SEC16A: variants seen among roughly 807,000 people sequenced by gnomAD.
SEC16A encodes the protein SEC16 homolog A, endoplasmic reticulum export factor.
SEC16A carries 110 observed loss-of-function variants against 221.9 expected under a neutral mutation model. The observed-to-expected ratio is 0.50, with a 90% confidence interval of 0.42 to 0.58. The LOEUF (loss-of-function observed/expected upper bound fraction) is 0.58. Ranked by LOEUF, SEC16A falls within the 20% of genes least tolerant of loss-of-function variation. SEC16A has a pLI of 0.00. For missense variants in SEC16A, 3,165 were observed against 3,097.8 expected, an observed-to-expected ratio of 1.02 and a Z score of -0.52; for synonymous variants, 1,393 against 1,257.7, an observed-to-expected ratio of 1.11 and a Z score of -2.28.
At chr9:136,473,963 C>T in intron 3 of SEC16A, 86 bp downstream of exon 3, 1 of 1,412,162 alleles carries the variant, frequency 7.1e-7, no homozygotes, top group Non-Finnish European at 9.6e-7. Flanking sequence ...AGCGAACAAA[C>T]ACTACTAAGG....
rs776749643 is a variant in SEC16A, at chr9:136,477,516, G to A, written c.100C>T (p.Arg34Trp). 7 of 1,613,680 alleles carry A rather than the reference G, an allele frequency of 4.3e-6. No homozygotes were observed. The highest frequency in any genetic ancestry group is 2.7e-5 in the African/African-American group (2 of 74,906). ...GCCACTGCTGCATTATTATTAGCCC[G>A]TCTCCTGTAAGGGCTGCTAGCCCAG... ...VFWASSPYRR[R>W]ANNNAAVAPT... The change falls in exon 3 of 32, where the codon CGG (arginine) becomes TGG (tryptophan). Residue 34 changes from arginine (R) to tryptophan (W), a missense_variant. By Grantham distance (101) the Arg-to-Trp change is moderately radical. Around this residue, in one of 3 missense-constraint regions of SEC16A, gnomAD observed 2,030 missense variants for 1,923.1 expected, o/e 1.06. Coordinates refer to ENST00000684901, the MANE Select transcript of SEC16A (RefSeq NM_014866.2).
rs756544201 is a variant in SEC16A, at chr9:136,471,935, G to C, written c.3704+40C>G. ...TAGCAAGCAACACAGACATGGGTCT[G>C]AGTAGGACAGAGAGGCAGCCAGGGT... On this transcript the variant is annotated intron_variant, in intron 4 of 31. Transcript: ENST00000684901. 4.4e-6 allele frequency: 7 copies of C among 1,606,924 alleles called. No individual in the cohort carries two copies. In the South Asian group the frequency reaches 7.7e-5, roughly 18 times the overall value.
At chr9:136,455,972 T>C (rs1186125327) in intron 19 of SEC16A, 81 bp downstream of exon 19, 36 of 1,281,156 alleles carry the variant, frequency 2.8e-5, no homozygotes, top group Non-Finnish European at 3.8e-5. Flanking sequence ...TCTTTACAGA[T>C]ACATACTTTC....
At position 136,447,562 on chromosome 9, in the gene SEC16A, C is replaced by T. The variant is rs769422921; in HGVS notation, c.6559+7G>A. 6.2e-6 allele frequency: 10 copies of T among 1,608,342 alleles called. No homozygotes were observed. Among genetic ancestry groups the T allele is most frequent in the Non-Finnish European group, 6.8e-6 (8 of 1,174,854 alleles). On this transcript the variant is annotated splice_region_variant and intron_variant, in intron 26 of 31. Transcript: ENST00000684901. This position sits in a 1 kb window ranked among gnomAD's most constrained non-coding sequence, Gnocchi z 5.5. ...CAAGCAAGCTCCCACTCCAAGGCCA[C>T]CCTTACCTGCTCTTCTAGAGTACAT... is the stretch of plus-strand genomic sequence containing the variant.
Position 136,441,930 on chromosome 9 carries a change from T to C in SEC16A, c.7006-107A>G, listed in dbSNP as rs73670268. On this transcript the variant is annotated intron_variant, in intron 31 of 31. Coordinates refer to ENST00000684901, the MANE Select transcript of SEC16A (RefSeq NM_014866.2). ...TCCACATAATGAACCACACGGGCCA[T>C]TGGCGCTGACAAGCTGAAGGCTTCG... 2,416 of 947,020 alleles carry C rather than the reference T, an allele frequency of 2.6e-3. 32 individuals are homozygous for C. The African/African-American group carries it at 0.034, about 13-fold the overall frequency. 58.7% of individuals were successfully genotyped at this position (947,020 alleles called of 1,614,324 possible). A position where few individuals can be genotyped will look rare whatever the true frequency, so the allele number is the denominator to read the frequency against.
In SEC16A at chr9:136,474,083, G is replaced by A. The variant is rs887598317; in HGVS notation, c.3533C>T (p.Pro1178Leu). 2 of 1,609,418 alleles carry A rather than the reference G, an allele frequency of 1.2e-6. No individual in the cohort carries two copies. The highest frequency in any genetic ancestry group is 2.2e-5 in the East Asian group (1 of 44,790). ...GAGGGAGGCTGCGCCAGGCTCCGGT[G>A]GGTACGGCAAAGAGTACTGAGGCTG... The part of the protein sequence containing the change: ...AYQPQYSLPY[P>L]PEPGAASLYY... Residue 1178 changes from proline (P) to leucine (L), a missense_variant, in exon 3 of 32, where the codon CCA (proline) becomes CTA (leucine). Physicochemically the swap from Pro to Leu is moderately conservative, Grantham distance 98. Coordinates refer to ENST00000684901, the MANE Select transcript of SEC16A (RefSeq NM_014866.2).
chr9:136,453,566 G>T lies in SEC16A; in HGVS notation c.6077-56C>A, dbSNP rs1459102024. The T allele has an allele frequency of 4.2e-6, 6 of 1,428,664 alleles. No individual in the cohort carries two copies. In the Admixed American group the frequency reaches 1.0e-4, roughly 24 times the overall value. The allele number at this position is 1,428,664 out of a possible 1,614,324, so 88.5% of individuals were successfully genotyped here. The stretch of plus-strand genomic sequence containing the variant: ...TCAGTCACGAGAAGGCGGGACGTGT[G>T]TGTGGCGCACAGATCAACAGGCACA... On this transcript the variant is annotated intron_variant, in intron 21 of 31. Coordinates refer to ENST00000684901, the MANE Select transcript of SEC16A (RefSeq NM_014866.2).
rs1839907730 is a variant in SEC16A at position 136,464,521 on chromosome 9, G to A, written c.4345C>T (p.His1449Tyr). 6.2e-7 allele frequency: 1 copy of A among 1,607,114 alleles called. No individual in the cohort carries two copies. Among genetic ancestry groups the A allele is most frequent in the Non-Finnish European group, 8.5e-7 (1 of 1,174,126 alleles). The part of the protein sequence containing the change: ...PTSPEKFSVP[H>Y]VCARFGPGGQ... ...CCAGGGCCAAACCTGGCACAGACAT[G>A]AGGCACTGAAAATTTTTCAGGAGAA... Residue 1449 changes from histidine (H) to tyrosine (Y), a missense_variant, in exon 9 of 32, where the codon CAT becomes TAT. By Grantham distance (83) the His-to-Tyr change is moderately conservative. Transcript: ENST00000684901.
At position 136,459,726 on chromosome 9, in the gene SEC16A, C is replaced by T. The variant is rs1257367559; in HGVS notation, c.5191+31G>A. Reference sequence around the variant, plus strand: ...CGGGCCTTCGGCGCTCCATCCGCGACACCCAATGCCCATCTCCACCCCTGA... The same window carrying T: ...CGGGCCTTCGGCGCTCCATCCGCGATACCCAATGCCCATCTCCACCCCTGA... On this transcript the variant is annotated intron_variant, in intron 15 of 31. Transcript: ENST00000684901. The surrounding 1 kb of genome is among the most constrained non-coding windows in gnomAD (Gnocchi z 6.1). The T allele has an allele frequency of 6.5e-7, 1 of 1,547,086 alleles. No individual in the cohort carries two copies. The highest frequency in any genetic ancestry group is 8.8e-7 in the Non-Finnish European group (1 of 1,132,728).
intron 12 of SEC16A, among the ~76,000 whole-genome samples, chr9:136,462,387 G>T (rs1234870153): frequency 1.3e-5 from 2 of 152,076 alleles, no homozygotes. Flanking sequence ...CCCCCCACCT[G>T]CCCCAGTCCC....
Position 136,466,036 on chromosome 9 carries a change from C to T in SEC16A, c.4229G>A (p.Ser1410Asn), listed in dbSNP as rs1840102418. The part of the protein sequence containing the change: ...HGDFAYGTYR[S>N]NFSSGPGFPE... ...GAAGCCGGGGCCACTGCTGAAATTG[C>T]TGCGGTAGGTGCCGTAGGCAAAATC... The change falls in exon 8 of 32, where the codon AGC becomes AAC. Residue 1410 changes from serine (S) to asparagine (N), a missense_variant. Transcript: ENST00000684901. This position sits in a 1 kb window ranked among gnomAD's most constrained non-coding sequence, Gnocchi z 5.5. 6.2e-7 allele frequency: 1 copy of T among 1,613,464 alleles called. No homozygotes were observed. The highest frequency in any genetic ancestry group is 1.3e-5 in the African/African-American group (1 of 74,910).
chr9:136,475,098 C>T lies in SEC16A; in HGVS notation c.2518G>A (p.Ala840Thr), dbSNP rs752548807. Residue 840 changes from alanine (A) to threonine (T), a missense_variant, in exon 3 of 32, where the codon GCT becomes ACT. Physicochemically the swap from Ala to Thr is moderately conservative, Grantham distance 58. This residue lies in a region of SEC16A where 2,030 missense variants were observed against 1,923.1 expected (regional missense o/e 1.06). Transcript: ENST00000684901. This position sits in a 1 kb window ranked among gnomAD's most constrained non-coding sequence, Gnocchi z 5.0. ...IAQPDHSYNLAQPINFSVSLS... is the reference protein window; with the variant it reads ...IAQPDHSYNLTQPINFSVSLS... ...GACACAGAAAAGTTAATGGGCTGAG[C>T]CAGATTATAGCTGTGATCAGGCTGA... is the stretch of plus-strand genomic sequence containing the variant. 6.2e-7 allele frequency: 1 copy of T among 1,613,758 alleles called. No individual in the cohort carries two copies. Among genetic ancestry groups the T allele is most frequent in the Non-Finnish European group, 8.5e-7 (1 of 1,179,814 alleles).
chr9:136,470,461 C>T (rs528526014), intron 4 of SEC16A, among the ~76,000 whole-genome samples: 1 of 152,362 alleles, frequency 6.6e-6, no homozygotes, highest in East Asian at 1.9e-4. Flanking sequence ...CTAGGAAACA[C>T]CTGTCTGCTC....
intron 17 of SEC16A, among the ~76,000 whole-genome samples, chr9:136,457,917 G>A (rs979154368): frequency 1.3e-5 from 2 of 152,130 alleles, no homozygotes; most frequent in Admixed American, 1.3e-4. Flanking sequence ...ACTGCCTTCC[G>A]TGTAGCTTAA....
rs1342970256 is a variant in SEC16A at position 136,476,226 on chromosome 9, A to G, written c.1390T>C (p.Phe464Leu). The G allele has an allele frequency of 1.9e-6, 3 of 1,613,588 alleles. No homozygotes were observed. The highest frequency in any genetic ancestry group is 2.2e-5 in the South Asian group (2 of 91,086). The change falls in exon 3 of 32, where the codon TTT becomes CTT. Residue 464 changes from phenylalanine (F) to leucine (L), a missense_variant. This residue lies in a region of SEC16A where 2,030 missense variants were observed against 1,923.1 expected (regional missense o/e 1.06). Transcript: ENST00000684901. ...SQYENVENLE[F>L]VQNQEVLPSE... ...GGCAGAACTTCTTGATTCTGAACAA[A>G]TTCTAAGTTCTCAACATTCTCATAC...
chr9:136,465,793 G>C (rs1015795261), intron 8 of SEC16A, among the ~76,000 whole-genome samples, 169 bp downstream of exon 8: 7 of 152,210 alleles, frequency 4.6e-5, no homozygotes, highest in Non-Finnish European at 1.0e-4. Context: ...CGAAGAGACA[G>C]CATCGGCCCG....
At position 136,464,411 on chromosome 9, in the gene SEC16A, T is replaced by C; in HGVS notation, c.4446+9A>G. ...AGCAGTGACGCCACGCTTCTGCGTGTGCCATTACCTCCATGCTGTGGACCT... is the reference window on the plus strand; with the variant it reads ...AGCAGTGACGCCACGCTTCTGCGTGCGCCATTACCTCCATGCTGTGGACCT... On this transcript the variant is annotated intron_variant, in intron 9 of 31. Transcript: ENST00000684901. 1 of 1,594,312 alleles carries C rather than the reference T, an allele frequency of 6.3e-7. No homozygotes were observed.
At chr9:136,448,259 G>T (rs1467860427) in intron 23 of SEC16A, 98 bp from the exon 24 acceptor site, 3 of 991,524 alleles carry the variant, frequency 3.0e-6, no homozygotes, top group Non-Finnish European at 4.7e-6. Context: ...CTTCTGTGAG[G>T]CCCCAGAGTC....
upstream of SEC16A, chr9:136,484,569 G>C (rs773895921): frequency 1.1e-5 from 14 of 1,328,592 alleles, no homozygotes; most frequent in Non-Finnish European, 1.4e-5. Context: ...ATGGCATCGC[G>C]GGAGGCTGAG....
Sources: gnomAD v4.1 joint callset for allele counts (sites outside exome capture counted in the v4.1 genomes callset) on GRCh38, gnomAD v4.1.1 for gene constraint, gnomAD v4.1.1 regional missense constraint, Gnocchi (gnomAD v3.1) non-coding constraint, MANE v1.5 for transcripts, NCBI Gene and HGNC (gene_info 2026-07-23, HGNC 2026-07-21) for gene names.